NRXN1: variants seen among roughly 807,000 people sequenced by gnomAD.
NRXN1 encodes the protein neurexin 1.
In NRXN1, 39 loss-of-function variants were observed where a neutral mutation model predicts 150.9. The ratio of observed to expected loss-of-function variants is 0.26; its 90% confidence interval spans 0.20 to 0.34. NRXN1 has a LOEUF of 0.34. NRXN1 is among the 10% of genes least tolerant of loss of function. The pLI, the probability that NRXN1 is intolerant of heterozygous loss-of-function variation, is 1.00. For synonymous variants in NRXN1, 924 were observed against 757.0 expected, an observed-to-expected ratio of 1.22 and a Z score of -3.62; for missense variants, 1,815 against 1,949.9, an observed-to-expected ratio of 0.93 and a Z score of 1.30.
intron 21 of NRXN1, among the ~76,000 whole-genome samples, chr2:49,949,563 G>A (rs921313314): frequency 1.3e-5 from 2 of 151,740 alleles, no homozygotes; most frequent in Non-Finnish European, 2.9e-5. Context: ...GTAAGGAAAA[G>A]AGCAATTTCC....
At chr2:50,506,829 A>G in intron 12 of NRXN1, 1 of 536,192 alleles carries the variant, frequency 1.9e-6, no homozygotes, top group Non-Finnish European at 3.3e-6. Flanking sequence ...ATAGCAAGCA[A>G]GGAAAATGAC....
chr2:50,085,208 C>T (rs1459174193), intron 19 of NRXN1, among the ~76,000 whole-genome samples: 1 of 151,882 alleles, frequency 6.6e-6, no homozygotes, highest in African/African-American at 2.4e-5. Flanking sequence ...GGCTAAAAAC[C>T]ACCAGAAAAA....
chr2:50,955,350 G>C (rs548154259), intron 2 of NRXN1, among the ~76,000 whole-genome samples: 26 of 152,308 alleles, frequency 1.7e-4, no homozygotes, highest in African/African-American at 6.3e-4. Context: ...AGTTCAAAGA[G>C]TAATTACAGA....
chr2:50,231,288 G>A (rs917723062), intron 18 of NRXN1, among the ~76,000 whole-genome samples: 1 of 152,050 alleles, frequency 6.6e-6, no homozygotes, highest in African/African-American at 2.4e-5. Flanking sequence ...GTGCATCTAT[G>A]TATAATTACT....
At chr2:50,216,639 AT>A (rs2063420793) in intron 18 of NRXN1, among the ~76,000 whole-genome samples, 1 of 152,130 alleles carries the variant, frequency 6.6e-6, no homozygotes, top group Admixed American at 6.6e-5. Flanking sequence ...TCAAGCCATT[AT>A]TTAAAAAAAA....
chr2:50,981,962 GAGAT>G lies in NRXN1; in HGVS notation c.772+45536_772+45539del, dbSNP rs780834987. On this transcript the variant is annotated intron_variant, in intron 2 of 22. Coordinates refer to ENST00000401669, the MANE Select transcript of NRXN1 (RefSeq NM_001330078.2). ...TATCTTAAAAAGAGAGACAGAGAGA[GAGAT>G]AGAGAAAGAGGAGCTCTGAAAATAA... 6.6e-4 allele frequency among the ~76,000 whole-genome samples: 100 copies of G among 152,022 alleles called. 1 individual carries two copies. Among genetic ancestry groups the G allele is most frequent in the Middle Eastern group, 6.8e-3 (2 of 294 alleles).
intron 17 of NRXN1, among the ~76,000 whole-genome samples, chr2:50,251,125 C>T (rs1418196812): frequency 1.3e-5 from 2 of 151,276 alleles, no homozygotes; most frequent in African/African-American, 4.9e-5. Context: ...CATCTATTAG[C>T]CCATCACCTA....
At chr2:50,978,307 A>ATATATATATATATATAT (rs1558524554) in intron 2 of NRXN1, among the ~76,000 whole-genome samples, 4 of 79,272 alleles carry the variant, frequency 5.0e-5, no homozygotes, top group East Asian at 3.1e-4. Context: ...TATATATATA[A>ATATATATATATATATAT]AATATATATA....
chr2:50,125,025 G>C (rs1704369858), intron 18 of NRXN1, among the ~76,000 whole-genome samples: 1 of 152,008 alleles, frequency 6.6e-6, no homozygotes, highest in Non-Finnish European at 1.5e-5. Context: ...TAAGTAATAT[G>C]TATACAAACA....
At chr2:50,459,796 C>T (rs551467609) in intron 17 of NRXN1, among the ~76,000 whole-genome samples, 20 of 152,122 alleles carry the variant, frequency 1.3e-4, no homozygotes, top group African/African-American at 4.1e-4. Flanking sequence ...TTTGTTCACA[C>T]GGGCTTTTGG....
chr2:50,931,898 G>T (rs905427174), intron 2 of NRXN1, among the ~76,000 whole-genome samples: 1 of 151,790 alleles, frequency 6.6e-6, no homozygotes, highest in Non-Finnish European at 1.5e-5. Context: ...GTCTCACTCT[G>T]TTGCCAAGAC....
chr2:50,693,527 A>T (rs1332825803), intron 5 of NRXN1, among the ~76,000 whole-genome samples: 1 of 152,170 alleles, frequency 6.6e-6, no homozygotes, highest in Non-Finnish European at 1.5e-5. Context: ...CTGGCAAGGA[A>T]CAAAATGTGA....
At chr2:50,577,851 A>G (rs570361905) in intron 8 of NRXN1, among the ~76,000 whole-genome samples, 3 of 152,160 alleles carry the variant, frequency 2.0e-5, no homozygotes, top group Non-Finnish European at 4.4e-5. Context: ...ATAAATTGTT[A>G]AAACAGTTAC....
intron 5 of NRXN1, among the ~76,000 whole-genome samples, chr2:50,866,275 A>G (rs1484187629): frequency 1.3e-5 from 2 of 151,970 alleles, no homozygotes; most frequent in African/African-American, 4.8e-5. Flanking sequence ...AGTTTCAGTT[A>G]ATGTGAAATA....
chr2:50,739,367 T>C (rs1699165358), intron 5 of NRXN1: 1 of 367,530 alleles, frequency 2.7e-6, no homozygotes, highest in African/African-American at 2.1e-5. Context: ...TGTAATTCTA[T>C]TTCTTTTAAA....
intron 18 of NRXN1, among the ~76,000 whole-genome samples, chr2:50,197,556 T>C (rs527551649): frequency 4.6e-5 from 7 of 152,284 alleles, no homozygotes; most frequent in South Asian, 2.1e-4. Flanking sequence ...TATTTTGTGA[T>C]GTTTTGCTTT....
rs1667861023 is a variant in NRXN1, at chr2:49,919,593, G to A, written c.*2351C>T. 6.6e-6 allele frequency: 1 copy of A among 151,446 alleles called. No homozygotes were observed. 9.4% of individuals were successfully genotyped at this position (151,446 alleles called of 1,614,324 possible). A position where few individuals can be genotyped will look rare whatever the true frequency, so the allele number is the denominator to read the frequency against. ...AAACCCTTCAAGCTGTAAATTAGTAGTTTTACACTTCCCTTCTTATTTAAC... is the reference window on the plus strand; with the variant it reads ...AAACCCTTCAAGCTGTAAATTAGTAATTTTACACTTCCCTTCTTATTTAAC... On this transcript the variant is annotated 3_prime_UTR_variant, in exon 23 of 23. Transcript: ENST00000401669.
chr2:49,997,413 C>T (rs1683175575), intron 21 of NRXN1, among the ~76,000 whole-genome samples: 1 of 152,128 alleles, frequency 6.6e-6, no homozygotes, highest in Admixed American at 6.5e-5. Flanking sequence ...TTTTAACTAC[C>T]TGTGATTACC....
chr2:50,595,974 T>C (rs1188722896), intron 8 of NRXN1, among the ~76,000 whole-genome samples: 3 of 152,190 alleles, frequency 2.0e-5, no homozygotes, highest in African/African-American at 7.2e-5. Context: ...TTCCCAACAA[T>C]GTCTTGGTTA....
Sources: gnomAD v4.1 joint callset for allele counts (sites outside exome capture counted in the v4.1 genomes callset) on GRCh38, gnomAD v4.1.1 for gene constraint, MANE v1.5 for transcripts, NCBI Gene and HGNC (gene_info 2026-07-23, HGNC 2026-07-21) for gene names.